The following CNTNAP2 variants were observed in gnomAD, a reference collection of about 807,000 sequenced individuals.
The protein encoded by CNTNAP2 is contactin associated protein 2, also known as contactin-associated protein-like 2.
CNTNAP2 carries 98 observed loss-of-function variants against 155.2 expected under a neutral mutation model. The observed-to-expected ratio is 0.63, with a 90% CI of 0.54 to 0.75. The LOEUF (loss-of-function observed/expected upper bound fraction) is 0.75, where lower values mean the gene tolerates loss of function less well. Among genes scored for constraint, CNTNAP2 ranks in the 30% least tolerant of loss-of-function variants. CNTNAP2 has a pLI of 0.00. For missense variants in CNTNAP2, 1,727 were observed against 1,688.1 expected (o/e 1.02, Z -0.40); for synonymous variants, 651 against 631.2 (o/e 1.03, Z -0.47).
At chr7:146,761,134 A>G (rs1563219921) in intron 1 of CNTNAP2, among the ~76,000 whole-genome samples, 2 of 152,190 alleles carry the variant, frequency 1.3e-5, no homozygotes, top group African/African-American at 2.4e-5. Context: ...ATTCATTCTG[A>G]CACTGGTCAC....
At chr7:148,010,368 A>G (rs1802055643) in intron 15 of CNTNAP2, among the ~76,000 whole-genome samples, 2 of 151,910 alleles carry the variant, frequency 1.3e-5, no homozygotes, top group South Asian at 4.1e-4. Flanking sequence ...ATTTGAATAT[A>G]GTAGAATTCA....
At chr7:147,042,060 T>C (rs1490240551) in intron 3 of CNTNAP2, among the ~76,000 whole-genome samples, 1 of 152,174 alleles carries the variant, frequency 6.6e-6, no homozygotes, top group Non-Finnish European at 1.5e-5. Flanking sequence ...AATGTCTTTT[T>C]AGAAATTGTT....
chr7:146,686,429 C>T (rs1800601320), intron 1 of CNTNAP2, among the ~76,000 whole-genome samples: 1 of 152,110 alleles, frequency 6.6e-6, no homozygotes, highest in Admixed American at 6.5e-5. Flanking sequence ...TCATCCTCTT[C>T]CAGAATTTCC....
At chr7:146,800,339 T>A (rs1359848386) in intron 2 of CNTNAP2, among the ~76,000 whole-genome samples, 1 of 152,102 alleles carries the variant, frequency 6.6e-6, no homozygotes, top group Non-Finnish European at 1.5e-5. Context: ...GCCTGATGAT[T>A]CTGGCACTGC....
At chr7:148,302,001 A>G (rs866468446) in intron 21 of CNTNAP2, among the ~76,000 whole-genome samples, 94 of 152,362 alleles carry the variant, frequency 6.2e-4, no homozygotes, top group African/African-American at 2.2e-3. Context: ...ACGGAAGCAC[A>G]GCCTAGCTGA....
intron 13 of CNTNAP2, among the ~76,000 whole-genome samples, chr7:147,729,755 GA>G (rs1258317250): frequency 1.3e-5 from 2 of 152,016 alleles, no homozygotes; most frequent in African/African-American, 4.8e-5. Context: ...TCAGGCAGTA[GA>G]AAACCACTGA....
intron 1 of CNTNAP2, among the ~76,000 whole-genome samples, chr7:146,543,056 T>G (rs1404483488): frequency 6.6e-6 from 1 of 151,918 alleles, no homozygotes; most frequent in Non-Finnish European, 1.5e-5. Flanking sequence ...GAGTAGATTT[T>G]AAATGTTCTT....
intron 12 of CNTNAP2, among the ~76,000 whole-genome samples, chr7:147,586,523 G>GAGGGAGGA (rs1563009692): frequency 2.4e-5 from 1 of 42,008 alleles, no homozygotes; most frequent in Non-Finnish European, 4.1e-5. Flanking sequence ...AGAGAGAGAA[G>GAGGGAGGA]AGGAAGGAAG....
At chr7:146,413,297 T>A (rs1011387602) in intron 1 of CNTNAP2, among the ~76,000 whole-genome samples, 1 of 152,150 alleles carries the variant, frequency 6.6e-6, no homozygotes, top group African/African-American at 2.4e-5. Flanking sequence ...CCTGTTTGGA[T>A]CTTATTTCAC....
chr7:146,955,385 G>A (rs1797411321), intron 3 of CNTNAP2, among the ~76,000 whole-genome samples: 1 of 151,866 alleles, frequency 6.6e-6, no homozygotes, highest in Admixed American at 6.6e-5. Context: ...CTGCTTATAT[G>A]CCACACAAGT....
intron 1 of CNTNAP2, among the ~76,000 whole-genome samples, chr7:146,335,666 G>C (rs905996570): frequency 6.6e-6 from 1 of 152,100 alleles, no homozygotes; most frequent in Non-Finnish European, 1.5e-5. Context: ...TTTAAAAAAA[G>C]TCTCCCTTTT....
At chr7:148,392,916 AACTC>A (rs5888322) in intron 22 of CNTNAP2, among the ~76,000 whole-genome samples, 150,893 of 152,156 alleles carry the variant, frequency 0.99, 74,834 homozygotes, top group East Asian at 1. Context: ...CTGAGCTAGG[AACTC>A]ACTCAGGCTT....
chr7:147,186,790 G>A (rs779812204), intron 8 of CNTNAP2, among the ~76,000 whole-genome samples: 2 of 152,202 alleles, frequency 1.3e-5, no homozygotes, highest in Non-Finnish European at 2.9e-5. Context: ...TGGCATGGCA[G>A]AAGCAGAGGG....
Position 148,263,749 on chromosome 7 carries a change from AAG to A in CNTNAP2, c.3382-3282_3382-3281del, listed in dbSNP as rs60400904. Among the ~76,000 whole-genome samples, 904 of 149,994 alleles carry A rather than the reference AAG, an allele frequency of 6.0e-3. 7 individuals are homozygous for A. The highest frequency in any genetic ancestry group is 0.017 in the Middle Eastern group (5 of 292). On this transcript the variant is annotated intron_variant, in intron 20 of 23. Transcript: ENST00000361727. ...GAGACTCAGTCCCAAAAAAAAAAAA[AAG>A]AAAGAAAGAAAAGTTTATATAAATA...
chr7:147,957,679 C>A (rs1166698195), intron 14 of CNTNAP2, among the ~76,000 whole-genome samples: 2 of 152,012 alleles, frequency 1.3e-5, no homozygotes, highest in Non-Finnish European at 2.9e-5. Context: ...CTAAAATCAT[C>A]AGTTGATATA....
intron 1 of CNTNAP2, among the ~76,000 whole-genome samples, chr7:146,296,803 A>G (rs1486976166): frequency 1.3e-5 from 2 of 152,196 alleles, no homozygotes; most frequent in African/African-American, 4.8e-5. Context: ...TCCAGATGAA[A>G]TGAAAGAGTG....
At chr7:148,329,295 A>C (rs976972740) in intron 21 of CNTNAP2, among the ~76,000 whole-genome samples, 1 of 152,242 alleles carries the variant, frequency 6.6e-6, no homozygotes, top group Non-Finnish European at 1.5e-5. Context: ...GAAACACTCC[A>C]GAGGCATCAG....
chr7:147,034,462 A>G (rs1799107858), intron 3 of CNTNAP2, among the ~76,000 whole-genome samples: 1 of 152,106 alleles, frequency 6.6e-6, no homozygotes, highest in Non-Finnish European at 1.5e-5. Flanking sequence ...TAGTGTTTAC[A>G]GCTCCTGAAG....
intron 12 of CNTNAP2, among the ~76,000 whole-genome samples, chr7:147,588,593 T>G (rs903516903): frequency 1.3e-5 from 2 of 152,328 alleles, no homozygotes; most frequent in African/African-American, 4.8e-5. Flanking sequence ...TGCTTTTTTC[T>G]CTATATTGAT....
Sources: allele counts gnomAD v4.1 joint callset (sites outside exome capture counted in the v4.1 genomes callset), GRCh38; gene constraint gnomAD v4.1.1; transcripts MANE v1.5; gene names NCBI Gene and HGNC (gene_info 2026-07-23, HGNC 2026-07-21).